Variants in HOGA1 observed in about 807,000 individuals in gnomAD.
The protein encoded by HOGA1 is 4-hydroxy-2-oxoglutarate aldolase, mitochondrial.
Under a neutral mutation model 34.3 loss-of-function variants are expected in HOGA1, and 30 were observed. That is an observed-to-expected ratio of 0.87 (90% CI 0.65 to 1.19). The LOEUF (loss-of-function observed/expected upper bound fraction) is 1.19. Among genes scored for constraint, HOGA1 ranks in the 50% most tolerant of loss-of-function variants. The pLI is 0.00. For synonymous variants in HOGA1, 161 were observed against 174.0 expected (o/e 0.93, Z 0.59); for missense variants, 417 against 436.5 (o/e 0.96, Z 0.40).
chr10:97,608,318 G>T (rs983411970), intron 6 of HOGA1, among the ~76,000 whole-genome samples: 1 of 151,578 alleles, frequency 6.6e-6, no homozygotes, highest in African/African-American at 2.4e-5. Flanking sequence ...CTCAAAAAAA[G>T]AAATTTAAAA....
At chr10:97,601,757 T>C in intron 5 of HOGA1, 100 bp from the exon 6 acceptor site, 1 of 1,390,104 alleles carries the variant, frequency 7.2e-7, no homozygotes, top group South Asian at 1.2e-5. Context: ...CATAGAAATC[T>C]GTATCTAATG....
chr10:97,592,197 C>T lies in HOGA1; in HGVS notation c.212-6578C>T, dbSNP rs541583003. Among the ~76,000 whole-genome samples, 8 of 149,864 alleles carry T rather than the reference C, an allele frequency of 5.3e-5. No individual in the cohort carries two copies. In the South Asian group the frequency reaches 1.7e-3, roughly 32 times the overall value. ...ATATTATAGCTAGGTAAGACATTAT[C>T]ATTGGTGGAGGCTGGGTGAAGGATG... On this transcript the variant is annotated intron_variant, in intron 1 of 6. Coordinates refer to ENST00000370646, the MANE Select transcript of HOGA1 (RefSeq NM_138413.4).
At chr10:97,590,143 C>G in intron 1 of HOGA1, 2 of 1,614,106 alleles carry the variant, frequency 1.2e-6, no homozygotes, top group Non-Finnish European at 1.7e-6. Flanking sequence ...CCACGAGGCA[C>G]GGAGAAGTGG....
intron 1 of HOGA1, among the ~76,000 whole-genome samples, chr10:97,587,879 G>A (rs915173706): frequency 6.6e-6 from 1 of 151,558 alleles, no homozygotes; most frequent in African/African-American, 2.4e-5. Flanking sequence ...GCACGATCTC[G>A]GCTCACTGCA....
chr10:97,589,935 C>A (rs1318430367), intron 1 of HOGA1: 1 of 1,613,826 alleles, frequency 6.2e-7, no homozygotes, highest in African/African-American at 1.3e-5. Flanking sequence ...AGAAAGGAAA[C>A]CTCTGAGTGT....
intron 5 of HOGA1, 127 bp from the exon 6 acceptor site, chr10:97,601,730 T>C: frequency 5.4e-6 from 6 of 1,104,900 alleles, no homozygotes; most frequent in Non-Finnish European, 8.2e-6. Context: ...ATGCCTTTGA[T>C]GTAGCCAGCC....
Position 97,612,157 on chromosome 10 carries a change from G to A in HOGA1, c.*498G>A, listed in dbSNP as rs2018017. 0.39 allele frequency: 60,568 copies of A among 154,168 alleles called. 12,952 individuals are homozygous for A. Among genetic ancestry groups the A allele is most frequent in the African/African-American group, 0.58 (23,934 of 41,164 alleles). 9.6% of individuals were successfully genotyped at this position (154,168 alleles called of 1,614,324 possible). On this transcript the variant is annotated 3_prime_UTR_variant, in exon 7 of 7. Transcript: ENST00000370646. ...TGGGATTACAGGCGCCTGCCACCACGCCCAGCTAATTTTTGTATTTTTAGC... is the reference window on the plus strand; with the variant it reads ...TGGGATTACAGGCGCCTGCCACCACACCCAGCTAATTTTTGTATTTTTAGC...
chr10:97,599,333 AC>A, intron 3 of HOGA1, 117 bp downstream of exon 3: 1 of 1,228,172 alleles, frequency 8.1e-7, no homozygotes, highest in Non-Finnish European at 1.2e-6. Context: ...GTGGACTGCC[AC>A]CATGGATCAG....
At chr10:97,602,111 G>A in intron 6 of HOGA1, 121 bp downstream of exon 6, 3 of 1,550,028 alleles carry the variant, frequency 1.9e-6, no homozygotes, top group Non-Finnish European at 2.6e-6. Flanking sequence ...AAAATCCTTT[G>A]AGAGAACATC....
intron 1 of HOGA1, among the ~76,000 whole-genome samples, chr10:97,597,107 A>C (rs1007100320): frequency 7.2e-6 from 1 of 139,190 alleles, no homozygotes; most frequent in African/African-American, 2.6e-5. Flanking sequence ...ATAGCCTCCA[A>C]TTTTTTTTTT....
At chr10:97,608,832 C>CTTAT (rs1005949055) in intron 6 of HOGA1, among the ~76,000 whole-genome samples, 16 of 151,906 alleles carry the variant, frequency 1.1e-4, no homozygotes, top group African/African-American at 3.6e-4. Flanking sequence ...TGAAATATTA[C>CTTAT]TTATTTTGAT....
Position 97,611,760 on chromosome 10 carries a change from C to T in HOGA1, c.*101C>T, listed in dbSNP as rs41290458. The stretch of plus-strand genomic sequence containing the variant: ...ACAGGGGGATGAGGGTGGCAGGCAG[C>T]GGGGAGCCGATAGAGGCTCCTTTGC... On this transcript the variant is annotated 3_prime_UTR_variant, in exon 7 of 7. Transcript: ENST00000370646. 3.0e-3 allele frequency: 4,315 copies of T among 1,426,014 alleles called. 8 individuals carry two copies. Among genetic ancestry groups the T allele is most frequent in the Admixed American group, 4.1e-3 (207 of 50,356 alleles). The allele number at this position is 1,426,014 out of a possible 1,614,324, so 88.3% of individuals were successfully genotyped here. A position where few individuals can be genotyped will look rare whatever the true frequency, so the allele number is the denominator to read the frequency against.
chr10:97,607,822 A>G (rs534757877), intron 6 of HOGA1, among the ~76,000 whole-genome samples: 104 of 152,300 alleles, frequency 6.8e-4, no homozygotes, highest in African/African-American at 2.3e-3. Context: ...TTTTCCCCCT[A>G]AGAACATTAA....
At chr10:97,585,246 A>C (rs2040959479) in intron 1 of HOGA1, among the ~76,000 whole-genome samples, 1 of 152,192 alleles carries the variant, frequency 6.6e-6, no homozygotes, top group East Asian at 1.9e-4. Context: ...CACTTGGTGC[A>C]GATGTGAAGG....
intron 1 of HOGA1, chr10:97,590,042 C>T (rs373701009): frequency 1.3e-5 from 21 of 1,614,030 alleles, no homozygotes; most frequent in Non-Finnish European, 1.8e-5. Context: ...GAAGCTGGCC[C>T]TCGACAACAA....
rs2041198011 is a variant in HOGA1, at chr10:97,611,742, G to A, written c.*83G>A. ...CAGCCTGAAGCGGAGAGCACAGGGG[G>A]ATGAGGGTGGCAGGCAGCGGGGAGC... On this transcript the variant is annotated 3_prime_UTR_variant, in exon 7 of 7. Transcript: ENST00000370646. 5.3e-6 allele frequency: 8 copies of A among 1,505,244 alleles called. No homozygotes were observed. Among genetic ancestry groups the A allele is most frequent in the African/African-American group, 1.4e-5 (1 of 72,968 alleles). The allele number at this position is 1,505,244 out of a possible 1,614,324, so 93.2% of individuals were successfully genotyped here. A position where few individuals can be genotyped will look rare whatever the true frequency, so the allele number is the denominator to read the frequency against.
chr10:97,596,362 T>C (rs1434265200), intron 1 of HOGA1, among the ~76,000 whole-genome samples: 1 of 152,188 alleles, frequency 6.6e-6, no homozygotes, highest in Non-Finnish European at 1.5e-5. Flanking sequence ...AGGGTGATGG[T>C]GGCTGAATCA....
At chr10:97,590,399 C>G (rs12769613) in intron 1 of HOGA1, 3 of 1,614,118 alleles carry the variant, frequency 1.9e-6, no homozygotes, top group Non-Finnish European at 1.7e-6. Flanking sequence ...CCAGGAGGAG[C>G]TGAGGGCCCT....
chr10:97,606,128 C>CAAAAAAAAA (rs60230634), intron 6 of HOGA1, among the ~76,000 whole-genome samples: 194 of 94,026 alleles, frequency 2.1e-3, no homozygotes, highest in East Asian at 5.2e-3. Flanking sequence ...ACTAAAAATA[C>CAAAAAAAAA]AAAAAAAAAA....
Sources: allele counts gnomAD v4.1 joint callset (sites outside exome capture counted in the v4.1 genomes callset), GRCh38; gene constraint gnomAD v4.1.1; transcripts MANE v1.5; gene names NCBI Gene and HGNC (gene_info 2026-07-23, HGNC 2026-07-21).